The following GRID2 variants were observed in gnomAD, a reference collection of about 807,000 sequenced individuals.
GRID2 encodes glutamate receptor ionotropic, delta-2.
GRID2 carries 33 observed loss-of-function variants against 114.8 expected under a neutral mutation model. The observed-to-expected ratio is 0.29, with a 90% CI of 0.22 to 0.38. The LOEUF (loss-of-function observed/expected upper bound fraction) is 0.38, where lower values mean the gene tolerates loss of function less well. Ranked by LOEUF, GRID2 falls within the 10% of genes least tolerant of loss-of-function variation. GRID2 has a pLI of 1.00. For missense variants in GRID2, 1,184 were observed against 1,257.7 expected, an observed-to-expected ratio of 0.94 and a Z score of 0.89; for synonymous variants, 505 against 449.9, an observed-to-expected ratio of 1.12 and a Z score of -1.55.
chr4:92,846,179 A>G (rs1317488133), intron 2 of GRID2, among the ~76,000 whole-genome samples: 1 of 151,884 alleles, frequency 6.6e-6, no homozygotes, highest in African/African-American at 2.4e-5. Context: ...TTCACCTTTT[A>G]TTTTAGGTTC....
At chr4:92,951,252 C>T (rs1752012040) in intron 2 of GRID2, among the ~76,000 whole-genome samples, 2 of 151,932 alleles carry the variant, frequency 1.3e-5, no homozygotes, top group Middle Eastern at 3.4e-3. Flanking sequence ...TATTAAATAT[C>T]TTGTTTTTTG....
At chr4:92,424,364 C>G (rs1462753468) in intron 1 of GRID2, among the ~76,000 whole-genome samples, 3 of 152,020 alleles carry the variant, frequency 2.0e-5, no homozygotes, top group Non-Finnish European at 4.4e-5. Context: ...AAACTTACAA[C>G]TGGACAATAC....
chr4:93,561,014 A>G (rs1734873787), intron 13 of GRID2, among the ~76,000 whole-genome samples: 2 of 151,916 alleles, frequency 1.3e-5, no homozygotes, highest in African/African-American at 4.8e-5. Context: ...CCTTACATTT[A>G]TACTTAGGTT....
intron 13 of GRID2, among the ~76,000 whole-genome samples, chr4:93,539,874 T>G (rs1384423487): frequency 6.6e-6 from 1 of 152,052 alleles, no homozygotes; most frequent in Non-Finnish European, 1.5e-5. Context: ...TTCTGAAATT[T>G]TACTGATATG....
At chr4:93,358,357 G>C (rs565427444) in intron 8 of GRID2, among the ~76,000 whole-genome samples, 2 of 151,694 alleles carry the variant, frequency 1.3e-5, no homozygotes, top group African/African-American at 4.8e-5. Flanking sequence ...ATTTTAAATT[G>C]GTACATTTTA....
At chr4:93,166,268 A>G (rs1376792684) in intron 4 of GRID2, 2 of 152,192 alleles carry the variant, frequency 1.3e-5, no homozygotes, top group African/African-American at 2.4e-5. Context: ...GACACTTTAA[A>G]GCTAAAAATT....
intron 12 of GRID2, among the ~76,000 whole-genome samples, chr4:93,498,698 G>A (rs1727803440): frequency 6.6e-6 from 1 of 151,640 alleles, no homozygotes; most frequent in Non-Finnish European, 1.5e-5. Context: ...ATTTTTCTAG[G>A]TATAGCTTAT....
At chr4:93,139,642 G>A (rs779897550) in intron 4 of GRID2, among the ~76,000 whole-genome samples, 8 of 151,896 alleles carry the variant, frequency 5.3e-5, no homozygotes, top group African/African-American at 9.7e-5. Flanking sequence ...AAGGCCCCCG[G>A]AAGACTTTTC....
chr4:93,136,628 T>C (rs971241283), intron 4 of GRID2, among the ~76,000 whole-genome samples: 17 of 152,188 alleles, frequency 1.1e-4, no homozygotes, highest in African/African-American at 4.1e-4. Context: ...ATAAATTGTA[T>C]ATAAATGTTA....
At chr4:93,721,242 A>G (rs911068892) in intron 14 of GRID2, among the ~76,000 whole-genome samples, 6 of 152,224 alleles carry the variant, frequency 3.9e-5, no homozygotes, top group African/African-American at 7.2e-5. Context: ...GCTCCTAAAA[A>G]GGGATAAAAT....
At chr4:93,464,468 T>C (rs1724074796) in intron 11 of GRID2, among the ~76,000 whole-genome samples, 1 of 142,728 alleles carries the variant, frequency 7.0e-6, no homozygotes, top group Non-Finnish European at 1.5e-5. Flanking sequence ...CATAATACTG[T>C]ATTTAAAATC....
rs141505540 is a variant in GRID2 at position 93,232,215 on chromosome 4, T to A, written c.1126-6156T>A. ...TTTTAGAACACCTTTACCTCTTTTA[T>A]TTAATTTTTTAAAAGCTAAGAAAAA... On this transcript the variant is annotated intron_variant, in intron 7 of 15. Coordinates refer to ENST00000282020, the MANE Select transcript of GRID2 (RefSeq NM_001510.4). Among the ~76,000 whole-genome samples the A allele has an allele frequency of 6.9e-3, 1,051 of 152,274 alleles. 16 individuals are homozygous for A. The highest frequency in any genetic ancestry group is 0.024 in the African/African-American group (999 of 41,580).
chr4:92,815,099 C>T (rs1221967818), intron 2 of GRID2, among the ~76,000 whole-genome samples: 1 of 152,078 alleles, frequency 6.6e-6, no homozygotes, highest in Non-Finnish European at 1.5e-5. Flanking sequence ...GAATTTCTTA[C>T]AAGATAGAAA....
intron 13 of GRID2, among the ~76,000 whole-genome samples, chr4:93,599,791 G>A (rs1257717460): frequency 6.6e-6 from 1 of 152,112 alleles, no homozygotes; most frequent in African/African-American, 2.4e-5. Flanking sequence ...TCCACACACA[G>A]ATCAAGACAG....
chr4:92,501,155 A>G (rs775271417), intron 1 of GRID2, among the ~76,000 whole-genome samples: 1 of 152,102 alleles, frequency 6.6e-6, no homozygotes, highest in African/African-American at 2.4e-5. Context: ...GGAATTCTCA[A>G]TGATTTGTTT....
At chr4:93,107,590 G>T (rs1302175018) in intron 3 of GRID2, among the ~76,000 whole-genome samples, 2 of 151,922 alleles carry the variant, frequency 1.3e-5, no homozygotes, top group African/African-American at 4.8e-5. Flanking sequence ...CCATGTTGGA[G>T]TGCAGTGACA....
chr4:93,058,175 A>G (rs988682308), intron 2 of GRID2, among the ~76,000 whole-genome samples: 1 of 150,784 alleles, frequency 6.6e-6, no homozygotes, highest in African/African-American at 2.4e-5. Flanking sequence ...AACTGGAATA[A>G]TAAACTAACA....
chr4:92,891,760 T>G (rs998322432), intron 2 of GRID2, among the ~76,000 whole-genome samples: 3 of 152,118 alleles, frequency 2.0e-5, no homozygotes, highest in African/African-American at 7.2e-5. Flanking sequence ...ATAAGAGTCA[T>G]AAGTACTGGG....
intron 1 of GRID2, among the ~76,000 whole-genome samples, chr4:92,331,867 A>G (rs1382814915): frequency 6.6e-6 from 1 of 152,176 alleles, no homozygotes; most frequent in Non-Finnish European, 1.5e-5. Context: ...ATTTCCTAGC[A>G]TTATTTTCCC....
Sources: allele counts gnomAD v4.1 joint callset (sites outside exome capture counted in the v4.1 genomes callset), GRCh38; gene constraint gnomAD v4.1.1; transcripts MANE v1.5; gene names NCBI Gene and HGNC (gene_info 2026-07-23, HGNC 2026-07-21).